Variants in TRPC4 observed in about 807,000 individuals in gnomAD.
TRPC4 encodes short transient receptor potential channel 4.
A neutral mutation model predicts 99.4 loss-of-function variants in TRPC4; 49 were observed. The ratio of observed to expected loss-of-function variants is 0.49; its 90% CI spans 0.39 to 0.63. TRPC4 has a LOEUF of 0.63. TRPC4 is among the 20% of genes least tolerant of loss of function. TRPC4 has a pLI of 0.00. For synonymous variants in TRPC4, 454 were observed against 425.9 expected, an observed-to-expected ratio of 1.07 and a Z score of -0.81; for missense variants, 898 against 1,152.9, an observed-to-expected ratio of 0.78 and a Z score of 3.20.
At chr13:37,786,048 A>G (rs1956961537) in intron 1 of TRPC4, among the ~76,000 whole-genome samples, 1 of 152,092 alleles carries the variant, frequency 6.6e-6, no homozygotes, top group South Asian at 2.1e-4. Flanking sequence ...TCTATCCACA[A>G]AGTGATGAAA....
intron 3 of TRPC4, among the ~76,000 whole-genome samples, chr13:37,719,246 G>A (rs989034237): frequency 6.6e-6 from 1 of 152,144 alleles, no homozygotes; most frequent in Admixed American, 6.5e-5. Context: ...TACGTTGGAG[G>A]CTGAGGTGGG....
intron 4 of TRPC4, among the ~76,000 whole-genome samples, chr13:37,679,544 T>C (rs1258423066): frequency 1.3e-5 from 2 of 152,110 alleles, no homozygotes; most frequent in East Asian, 1.9e-4. Flanking sequence ...AAATAAACAA[T>C]GACTATTTAA....
chr13:37,776,572 TA>T (rs923616218), intron 2 of TRPC4, among the ~76,000 whole-genome samples: 1 of 151,884 alleles, frequency 6.6e-6, no homozygotes, highest in African/African-American at 2.4e-5. Context: ...AAACAGGGTA[TA>T]ATAAAAACAA....
chr13:37,857,317 T>C (rs1166520989), intron 1 of TRPC4, among the ~76,000 whole-genome samples: 1 of 151,614 alleles, frequency 6.6e-6, no homozygotes, highest in Non-Finnish European at 1.5e-5. Flanking sequence ...ATTGGAAGAA[T>C]CAATACTGGT....
intron 1 of TRPC4, among the ~76,000 whole-genome samples, chr13:37,812,383 A>G (rs1957728245): frequency 6.6e-6 from 1 of 151,942 alleles, no homozygotes; most frequent in South Asian, 2.1e-4. Flanking sequence ...AAATTTAATG[A>G]ATCTAAACTC....
At chr13:37,794,766 A>G (rs189352868) in intron 1 of TRPC4, among the ~76,000 whole-genome samples, 2 of 152,300 alleles carry the variant, frequency 1.3e-5, no homozygotes. Context: ...ACTTAATTAA[A>G]AAAGTACTAT....
chr13:37,715,708 G>A (rs912599644), intron 3 of TRPC4, among the ~76,000 whole-genome samples: 10 of 152,082 alleles, frequency 6.6e-5, no homozygotes, highest in African/African-American at 2.2e-4. Flanking sequence ...CACCGCATCC[G>A]ACCTCATAAG....
At chr13:37,807,061 T>C (rs893027750) in intron 1 of TRPC4, among the ~76,000 whole-genome samples, 6 of 152,188 alleles carry the variant, frequency 3.9e-5, no homozygotes, top group South Asian at 2.1e-4. Flanking sequence ...AAAAATGATT[T>C]CTGGGGCATC....
chr13:37,646,419 T>A (rs1951862223), intron 8 of TRPC4, among the ~76,000 whole-genome samples: 1 of 152,182 alleles, frequency 6.6e-6, no homozygotes, highest in Non-Finnish European at 1.5e-5. Flanking sequence ...AGAAACCTAG[T>A]CTGTGACATT....
chr13:37,668,104 G>A (rs1021399529), intron 5 of TRPC4, among the ~76,000 whole-genome samples: 5 of 152,172 alleles, frequency 3.3e-5, no homozygotes, highest in Non-Finnish European at 7.3e-5. Context: ...TGACAGCTCC[G>A]TGTTGTAAAG....
intron 1 of TRPC4, among the ~76,000 whole-genome samples, chr13:37,854,029 C>A (rs1183572507): frequency 1.3e-5 from 2 of 151,872 alleles, no homozygotes; most frequent in Non-Finnish European, 2.9e-5. Context: ...GGGTAATATC[C>A]AAGAATTTCC....
intron 1 of TRPC4, among the ~76,000 whole-genome samples, chr13:37,786,289 GACACACACACACACACACACACAC>G (rs10549960): frequency 7.1e-6 from 1 of 140,972 alleles, no homozygotes; most frequent in Non-Finnish European, 1.5e-5. Flanking sequence ...CAGGGAGAAA[GACACACACACACACACACACACAC>G]ACACACACAC....
chr13:37,852,238 G>T (rs551971807), intron 1 of TRPC4, among the ~76,000 whole-genome samples: 2 of 152,180 alleles, frequency 1.3e-5, no homozygotes, highest in Admixed American at 6.5e-5. Flanking sequence ...TCTGCTTAGG[G>T]GGTGGAGAGT....
At chr13:37,818,446 A>G in intron 1 of TRPC4, among the ~76,000 whole-genome samples, 1 of 152,170 alleles carries the variant, frequency 6.6e-6, no homozygotes, top group East Asian at 1.9e-4. Context: ...CAATCCCATT[A>G]CTGGGTATAC....
At chr13:37,836,710 T>C (rs1169495400) in intron 1 of TRPC4, among the ~76,000 whole-genome samples, 2 of 152,118 alleles carry the variant, frequency 1.3e-5, no homozygotes, top group Non-Finnish European at 2.9e-5. Flanking sequence ...GTTTGGAAAA[T>C]GTGTAGCCTG....
chr13:37,637,146 C>T lies in TRPC4; in HGVS notation c.2691G>A (p.Leu897=). ...ATTGTTCACTGAGACCGGGAATGCT[C>T]AGGTCACCCCGTGAAGCTAATCCTC... ...ESRGLASRGD[L]SIPGLSEQCV... is the part of the protein sequence containing the mutation. Residue 897 remains leucine (L), a synonymous_variant, in exon 11 of 11, where the codon CTG becomes CTA. Transcript: ENST00000379705. 6.2e-7 allele frequency: 1 copy of T among 1,613,796 alleles called. No individual in the cohort carries two copies. The highest frequency in any genetic ancestry group is 8.5e-7 in the Non-Finnish European group (1 of 1,179,834).
intron 1 of TRPC4, among the ~76,000 whole-genome samples, chr13:37,842,263 C>A (rs1488990602): frequency 2.8e-5 from 3 of 105,646 alleles, no homozygotes; most frequent in South Asian, 3.4e-4. Context: ...GAGCAAGACT[C>A]AATCTCAAAA....
chr13:37,695,561 G>A (rs1367651610), intron 3 of TRPC4, among the ~76,000 whole-genome samples: 1 of 152,142 alleles, frequency 6.6e-6, no homozygotes, highest in African/African-American at 2.4e-5. Flanking sequence ...CTCTAGAGTT[G>A]TTGGCCAATT....
intron 1 of TRPC4, among the ~76,000 whole-genome samples, chr13:37,849,060 A>T (rs1253595047): frequency 6.6e-6 from 1 of 152,126 alleles, no homozygotes; most frequent in Non-Finnish European, 1.5e-5. Flanking sequence ...ACTACAGCCC[A>T]TTGCCAGGAC....
Sources: gnomAD v4.1 joint callset for allele counts (sites outside exome capture counted in the v4.1 genomes callset) on GRCh38, gnomAD v4.1.1 for gene constraint, MANE v1.5 for transcripts, NCBI Gene and HGNC (gene_info 2026-07-23, HGNC 2026-07-21) for gene names.